GSE1: variants seen among roughly 807,000 people sequenced by gnomAD.
The protein encoded by GSE1 is genetic suppressor element 1.
In GSE1, 32 loss-of-function variants were observed where a neutral mutation model predicts 112.6. The observed-to-expected ratio is 0.28, with a 90% CI of 0.21 to 0.38. GSE1 has a LOEUF of 0.38. Among genes scored for constraint, GSE1 ranks in the 10% least tolerant of loss-of-function variants. The pLI, the probability that GSE1 is intolerant of heterozygous loss-of-function variation, is 1.00. For missense variants in GSE1, 2,348 were observed against 1,699.2 expected (o/e 1.38, Z -6.71); for synonymous variants, 1,115 against 735.6 (o/e 1.52, Z -8.35).
At chr16:85,173,612 A>G (rs1208922392) in intron 1 of GSE1, among the ~76,000 whole-genome samples, 2 of 152,224 alleles carry the variant, frequency 1.3e-5, no homozygotes, top group African/African-American at 2.4e-5. Context: ...AGGGGCAGTC[A>G]GAACTCTCTG....
At chr16:85,222,726 G>A (rs552020778) in intron 1 of GSE1, among the ~76,000 whole-genome samples, 1 of 152,246 alleles carries the variant, frequency 6.6e-6, no homozygotes, top group East Asian at 1.9e-4. Context: ...GTGGACTGCC[G>A]GGAGGAGATG....
intron 1 of GSE1, among the ~76,000 whole-genome samples, chr16:85,218,197 T>TG (rs1199049354): frequency 6.6e-6 from 1 of 152,160 alleles, no homozygotes; most frequent in East Asian, 1.9e-4. Context: ...TCACCACGCC[T>TG]GGCTCGTTTC....
intron 2 of GSE1, among the ~76,000 whole-genome samples, chr16:85,520,753 G>A (rs760122006): frequency 2.0e-4 from 30 of 152,220 alleles, no homozygotes; most frequent in Non-Finnish European, 3.8e-4. Flanking sequence ...CAACCTTTCA[G>A]AAGCCAAGAC....
chr16:85,391,570 C>A (rs373347015), intron 2 of GSE1, among the ~76,000 whole-genome samples: 1 of 152,220 alleles, frequency 6.6e-6, no homozygotes, highest in Non-Finnish European at 1.5e-5. Context: ...GCGGTCATCA[C>A]GTGGCCGCCT....
intron 1 of GSE1, among the ~76,000 whole-genome samples, chr16:85,346,386 TGATGGATG>T (rs2046737880): frequency 7.4e-6 from 1 of 135,854 alleles, no homozygotes; most frequent in Non-Finnish European, 1.6e-5. Flanking sequence ...GGTGGGTGGA[TGATGGATG>T]GATGGATGAT....
intron 1 of GSE1, among the ~76,000 whole-genome samples, chr16:85,304,281 A>C (rs2966867): frequency 0.86 from 130,439 of 152,222 alleles, 56,216 homozygotes; most frequent in African/African-American, 0.95. Context: ...CTGGGAGTAG[A>C]CCCCTGGCAT....
intron 2 of GSE1, among the ~76,000 whole-genome samples, chr16:85,381,200 G>C (rs898182230): frequency 6.6e-6 from 1 of 152,154 alleles, no homozygotes; most frequent in Admixed American, 6.5e-5. Context: ...AAATGGAATC[G>C]TACCGTTTGT....
intron 1 of GSE1, among the ~76,000 whole-genome samples, chr16:85,310,789 C>G (rs566560674): frequency 6.6e-6 from 1 of 150,930 alleles, no homozygotes; most frequent in African/African-American, 2.4e-5. Flanking sequence ...GTCCCCCCCC[C>G]ACCCACCTCC....
At chr16:85,181,645 C>T (rs920790812) in intron 1 of GSE1, among the ~76,000 whole-genome samples, 3 of 152,226 alleles carry the variant, frequency 2.0e-5, no homozygotes, top group Non-Finnish European at 2.9e-5. Context: ...TCTCCCGCTT[C>T]GGGTGGGAAG....
At chr16:85,380,877 C>T (rs2151620274) in intron 2 of GSE1, among the ~76,000 whole-genome samples, 1 of 152,294 alleles carries the variant, frequency 6.6e-6, no homozygotes, top group South Asian at 2.1e-4. Flanking sequence ...CTGTGAATTT[C>T]CAGTGGGCAT....
chr16:85,669,562 A>G (rs994829745), intron 14 of GSE1, among the ~76,000 whole-genome samples: 7 of 152,044 alleles, frequency 4.6e-5, no homozygotes, highest in African/African-American at 1.2e-4. Flanking sequence ...ACATGTTGCC[A>G]TTCTTTTAGT....
intron 1 of GSE1, among the ~76,000 whole-genome samples, chr16:85,265,808 G>A (rs777099347): frequency 3.3e-5 from 5 of 152,140 alleles, no homozygotes; most frequent in South Asian, 4.1e-4. Flanking sequence ...CTTGTGTGAC[G>A]TAGATGATTG....
chr16:85,454,000 C>T (rs751893485), intron 2 of GSE1, among the ~76,000 whole-genome samples: 10 of 152,134 alleles, frequency 6.6e-5, no homozygotes, highest in Non-Finnish European at 1.2e-4. Flanking sequence ...GACTTGGGGG[C>T]GATTCCACCC....
chr16:85,505,624 G>C (rs907783280), intron 2 of GSE1, among the ~76,000 whole-genome samples: 4 of 152,104 alleles, frequency 2.6e-5, no homozygotes, highest in African/African-American at 9.7e-5. Context: ...GAGTGCCGGC[G>C]GGGGGCACAT....
At chr16:85,523,885 A>G (rs772532568) in intron 2 of GSE1, among the ~76,000 whole-genome samples, 1 of 152,232 alleles carries the variant, frequency 6.6e-6, no homozygotes, top group Non-Finnish European at 1.5e-5. Flanking sequence ...GGCGGGGTCA[A>G]CAGGCCCAGG....
rs1458771182 is a variant in GSE1, at chr16:85,170,796, C to G, written c.1272C>G (p.Ser424Arg). The G allele has an allele frequency of 3.0e-6, 3 of 985,484 alleles. No homozygotes were observed. The African/African-American group carries it at 5.2e-5, about 17-fold the overall frequency. The allele number at this position is 985,484 out of a possible 1,614,324, so 61.0% of individuals were successfully genotyped here. A position where few individuals can be genotyped will look rare whatever the true frequency, so the allele number is the denominator to read the frequency against. Residue 424 changes from serine (S) to arginine (R), a missense_variant, in exon 1 of 3, where the codon AGC (serine) becomes AGG (arginine). Transcript: ENST00000637419. ...GCGGCAGTACCTTGGTGTGCGCCAG[C>G]TGCTTCTCCTCCCTCACGCAGCAGT...
chr16:85,323,985 G>A (rs761442295), intron 1 of GSE1, among the ~76,000 whole-genome samples: 1 of 152,194 alleles, frequency 6.6e-6, no homozygotes, highest in Non-Finnish European at 1.5e-5. Flanking sequence ...CGATTCCTTT[G>A]CACATGAAAG....
At chr16:85,253,347 G>A (rs1906722139) in intron 1 of GSE1, among the ~76,000 whole-genome samples, 2 of 152,098 alleles carry the variant, frequency 1.3e-5, no homozygotes, top group Non-Finnish European at 2.9e-5. Flanking sequence ...CACTGTGCCC[G>A]CTGCCCGCTA....
At chr16:85,635,513 G>A (rs1373220726) in intron 2 of GSE1, among the ~76,000 whole-genome samples, 2 of 152,196 alleles carry the variant, frequency 1.3e-5, no homozygotes, top group African/African-American at 4.8e-5. Context: ...GGACTCTCTG[G>A]GGCGGTGAAC....
Sources: allele counts gnomAD v4.1 joint callset (sites outside exome capture counted in the v4.1 genomes callset), GRCh38; gene constraint gnomAD v4.1.1; transcripts MANE v1.5; gene names NCBI Gene and HGNC (gene_info 2026-07-23, HGNC 2026-07-21).